ATP6V1H: variants seen among roughly 807,000 people sequenced by gnomAD.
The protein encoded by ATP6V1H is V-type proton ATPase subunit H.
A neutral mutation model predicts 71.7 loss-of-function variants in ATP6V1H; 39 were observed. The ratio of observed to expected loss-of-function variants is 0.54; its 90% confidence interval spans 0.42 to 0.71. The LOEUF (loss-of-function observed/expected upper bound fraction) is 0.71, where lower values mean the gene tolerates loss of function less well. Ranked by LOEUF, ATP6V1H falls within the 30% of genes least tolerant of loss-of-function variation. ATP6V1H has a pLI of 0.00. For missense variants in ATP6V1H, 509 were observed against 594.9 expected (o/e 0.86, Z 1.50); for synonymous variants, 192 against 199.3 (o/e 0.96, Z 0.31).
At position 53,826,892 on chromosome 8, in the gene ATP6V1H, CG is replaced by C; in HGVS notation, c.306+2551del. ...GCTTGAACCCAGGAGGCAGAGGTTG[CG>C]GTGAGCGGGGGTTGCACCACTGCAC... On this transcript the variant is annotated intron_variant, in intron 4 of 13. Transcript: ENST00000359530. Among the ~76,000 whole-genome samples the C allele has an allele frequency of 2.0e-5, 3 of 151,056 alleles. No individual in the cohort carries two copies. In the Middle Eastern group the frequency reaches 0.01, roughly 525 times the overall value.
At chr8:53,736,698 G>A (rs538621323) in intron 13 of ATP6V1H, among the ~76,000 whole-genome samples, 1 of 152,306 alleles carries the variant, frequency 6.6e-6, no homozygotes, top group Admixed American at 6.5e-5. Context: ...TTATCCATCT[G>A]TCTTGCAGGA....
chr8:53,716,050 G>C, intron 13 of ATP6V1H, 26 bp from the exon 14 acceptor site: 5 of 1,584,144 alleles, frequency 3.2e-6, no homozygotes, highest in Non-Finnish European at 4.3e-6. Context: ...GAAGTAAGGA[G>C]AATGAGAATT....
chr8:53,754,337 T>G (rs1807915334), intron 12 of ATP6V1H, among the ~76,000 whole-genome samples: 1 of 152,144 alleles, frequency 6.6e-6, no homozygotes, highest in South Asian at 2.1e-4. Context: ...CACTTGTGGG[T>G]GGTTCTGATG....
intron 7 of ATP6V1H, among the ~76,000 whole-genome samples, chr8:53,802,169 C>G (rs1392431776): frequency 6.6e-6 from 1 of 152,146 alleles, no homozygotes; most frequent in Non-Finnish European, 1.5e-5. Context: ...ATATTTGATA[C>G]AGTTTGATAA....
chr8:53,717,524 T>C (rs142635209), intron 13 of ATP6V1H, among the ~76,000 whole-genome samples: 65 of 152,358 alleles, frequency 4.3e-4, no homozygotes, highest in Non-Finnish European at 5.7e-4. Context: ...TTAATATTCT[T>C]GTGCTACCAG....
At position 53,715,969 on chromosome 8, in the gene ATP6V1H, T is replaced by G. The variant is rs963615885; in HGVS notation, c.1447A>C (p.Ser483Arg). The change falls in exon 14 of 14, where the codon AGC (serine) becomes CGC (arginine). Residue 483 changes from serine (S) to arginine (R), a missense_variant. Ser to Arg is a moderately radical substitution (Grantham distance 110, BLOSUM62 -1). Transcript: ENST00000359530. ...GGGGAAGGCCAGAGGCAGGCTTAGCTTCGGGCGGCAGCGGTCTGGGGCTGC... is the reference window on the plus strand; with the variant it reads ...GGGGAAGGCCAGAGGCAGGCTTAGCGTCGGGCGGCAGCGGTCTGGGGCTGC... ...SEQPQTAAARS is the reference protein window; with the variant it reads ...SEQPQTAAARR The G allele has an allele frequency of 6.2e-7, 1 of 1,608,100 alleles. No homozygotes were observed. The highest frequency in any genetic ancestry group is 8.5e-7 in the Non-Finnish European group (1 of 1,178,106).
intron 4 of ATP6V1H, among the ~76,000 whole-genome samples, chr8:53,827,619 G>A (rs181147858): frequency 5.1e-4 from 78 of 151,962 alleles, no homozygotes; most frequent in African/African-American, 1.8e-3. Flanking sequence ...TTTTCAACTC[G>A]TATTTTAGGT....
rs57663732 is a variant in ATP6V1H at position 53,755,227 on chromosome 8, G to A, written c.1277+1328C>T. Among the ~76,000 whole-genome samples the A allele has an allele frequency of 2.7e-3, 407 of 152,084 alleles. 1 individual carries two copies. The highest frequency in any genetic ancestry group is 9.2e-3 in the African/African-American group (381 of 41,492). On this transcript the variant is annotated intron_variant, in intron 12 of 13. Transcript: ENST00000359530. The stretch of plus-strand genomic sequence containing the variant: ...GTCCCTACCTCCCCTGTATCTCCAG[G>A]GTCTGAGGTATTCTTCAGATGCTGA...
At chr8:53,770,676 T>C (rs2130315341) in intron 10 of ATP6V1H, among the ~76,000 whole-genome samples, 1 of 152,312 alleles carries the variant, frequency 6.6e-6, no homozygotes, top group East Asian at 1.9e-4. Context: ...CCCATCACCC[T>C]ATTAGCTTTA....
intron 12 of ATP6V1H, among the ~76,000 whole-genome samples, chr8:53,755,729 TATATATATATATATA>T (rs1338461106): frequency 6.5e-3 from 48 of 7,352 alleles, no homozygotes; most frequent in Non-Finnish European, 8.5e-3. Context: ...TATATATATA[TATATATATATATATA>T]TTTTTTTTTT....
chr8:53,766,379 G>A (rs1271558741), intron 11 of ATP6V1H, among the ~76,000 whole-genome samples: 2 of 152,222 alleles, frequency 1.3e-5, no homozygotes, highest in Non-Finnish European at 2.9e-5. Context: ...CAGTTGAGGA[G>A]GATGTATATC....
At chr8:53,731,270 C>A (rs1234177069) in intron 13 of ATP6V1H, among the ~76,000 whole-genome samples, 1 of 152,118 alleles carries the variant, frequency 6.6e-6, no homozygotes, top group East Asian at 1.9e-4. Flanking sequence ...ACACTTCTGT[C>A]ACAGCTCTCA....
At chr8:53,743,777 A>G in intron 12 of ATP6V1H, 87 bp from the exon 13 acceptor site, 2 of 819,666 alleles carry the variant, frequency 2.4e-6, no homozygotes, top group Non-Finnish European at 3.9e-6. Flanking sequence ...CCAACACGCT[A>G]AAAAGGAAAG....
At chr8:53,770,988 A>G (rs1303905829) in intron 10 of ATP6V1H, among the ~76,000 whole-genome samples, 1 of 152,228 alleles carries the variant, frequency 6.6e-6, no homozygotes, top group Non-Finnish European at 1.5e-5. Flanking sequence ...ACTGATACAG[A>G]TAACACCTCC....
chr8:53,723,218 G>T (rs1806684920), intron 13 of ATP6V1H, among the ~76,000 whole-genome samples: 1 of 152,164 alleles, frequency 6.6e-6, no homozygotes, highest in Non-Finnish European at 1.5e-5. Flanking sequence ...TGGTAACTAA[G>T]AATGTCAAGG....
intron 2 of ATP6V1H, among the ~76,000 whole-genome samples, chr8:53,834,850 T>C (rs992035335): frequency 4.0e-5 from 6 of 151,050 alleles, no homozygotes; most frequent in African/African-American, 7.3e-5. Context: ...GTTCCCACTA[T>C]GCACAGTTAG....
chr8:53,819,574 ATATATATATAT>A (rs1810568884), intron 4 of ATP6V1H, among the ~76,000 whole-genome samples: 9 of 129,892 alleles, frequency 6.9e-5, no homozygotes, highest in African/African-American at 1.9e-4. Context: ...ATATATATAT[ATATATATATAT>A]AAAATACACA....
At chr8:53,828,449 G>A (rs142868543) in intron 4 of ATP6V1H, among the ~76,000 whole-genome samples, 3 of 152,142 alleles carry the variant, frequency 2.0e-5, no homozygotes, top group Non-Finnish European at 4.4e-5. Context: ...GAGCAACCAC[G>A]GTCCGCATGC....
At chr8:53,737,546 A>G (rs1332472116) in intron 13 of ATP6V1H, among the ~76,000 whole-genome samples, 1 of 152,226 alleles carries the variant, frequency 6.6e-6, no homozygotes, top group Non-Finnish European at 1.5e-5. Context: ...ATAAGGCAAG[A>G]AGAGCACAGC....
Sources: allele counts gnomAD v4.1 joint callset (sites outside exome capture counted in the v4.1 genomes callset), GRCh38; gene constraint gnomAD v4.1.1; transcripts MANE v1.5; gene names NCBI Gene and HGNC (gene_info 2026-07-23, HGNC 2026-07-21).